RALYL: variants seen among roughly 807,000 people sequenced by gnomAD.
RALYL encodes the protein RALY RNA binding protein like.
A neutral mutation model predicts 35.1 loss-of-function variants in RALYL; 29 were observed. The observed-to-expected ratio is 0.83, with a 90% CI of 0.61 to 1.13. The LOEUF (loss-of-function observed/expected upper bound fraction) is 1.13, where lower values mean the gene tolerates loss of function less well. Ranked by LOEUF, RALYL falls within the 50% of genes most tolerant of loss-of-function variation. The pLI is 0.00. For synonymous variants in RALYL, 120 were observed against 127.6 expected (o/e 0.94, Z 0.40); for missense variants, 359 against 360.4 (o/e 1.00, Z 0.03).
At chr8:84,444,575 C>G in intron 1 of RALYL, among the ~76,000 whole-genome samples, 1 of 151,950 alleles carries the variant, frequency 6.6e-6, no homozygotes, top group East Asian at 1.9e-4. Context: ...ATCCATTTGT[C>G]TACCTGTTTT....
chr8:84,454,949 C>A (rs1466136982), intron 1 of RALYL, among the ~76,000 whole-genome samples: 1 of 152,032 alleles, frequency 6.6e-6, no homozygotes, highest in African/African-American at 2.4e-5. Context: ...CTTCACACTG[C>A]AGAAAGACTA....
intron 5 of RALYL, among the ~76,000 whole-genome samples, chr8:84,852,696 G>A (rs184431420): frequency 1.1e-4 from 16 of 152,176 alleles, no homozygotes; most frequent in Admixed American, 9.8e-4. Flanking sequence ...ACCGGAAAGG[G>A]GTCCCAATTC....
At chr8:84,800,444 A>T (rs150591360) in intron 3 of RALYL, among the ~76,000 whole-genome samples, 1 of 152,334 alleles carries the variant, frequency 6.6e-6, no homozygotes, top group Admixed American at 6.5e-5. Context: ...TTTAGTTTTT[A>T]TTAAATAAAA....
chr8:84,505,150 C>T (rs899945053), intron 1 of RALYL, among the ~76,000 whole-genome samples: 5 of 152,212 alleles, frequency 3.3e-5, no homozygotes, highest in African/African-American at 9.6e-5. Context: ...TTTTCAGCAT[C>T]CTGAGATTCC....
At chr8:84,571,067 T>G (rs1807856931) in intron 2 of RALYL, among the ~76,000 whole-genome samples, 1 of 151,764 alleles carries the variant, frequency 6.6e-6, no homozygotes, top group African/African-American at 2.4e-5. Flanking sequence ...TTGAGGAGTT[T>G]TGCTTCTAGG....
At chr8:84,372,332 G>A (rs376068982) in intron 1 of RALYL, among the ~76,000 whole-genome samples, 2 of 152,022 alleles carry the variant, frequency 1.3e-5, no homozygotes, top group South Asian at 2.1e-4. Flanking sequence ...CCTACATTCA[G>A]CCAATCAAAA....
At chr8:84,356,829 GAATAT>G (rs1851930679) in intron 1 of RALYL, among the ~76,000 whole-genome samples, 3 of 141,320 alleles carry the variant, frequency 2.1e-5, no homozygotes, top group African/African-American at 2.8e-5. Context: ...TAAAATAAAA[GAATAT>G]GTAAACATTT....
chr8:84,844,425 T>C (rs1834147553), intron 4 of RALYL, among the ~76,000 whole-genome samples: 1 of 152,114 alleles, frequency 6.6e-6, no homozygotes, highest in African/African-American at 2.4e-5. Context: ...TGAGATACCA[T>C]CTCACACCAG....
At chr8:84,726,831 G>T (rs982548870) in intron 2 of RALYL, among the ~76,000 whole-genome samples, 1 of 151,988 alleles carries the variant, frequency 6.6e-6, no homozygotes, top group African/African-American at 2.4e-5. Context: ...ACTGTGCTAG[G>T]CCTTGTGAGG....
At chr8:84,211,634 A>C (rs1357185174) in intron 1 of RALYL, among the ~76,000 whole-genome samples, 1 of 152,164 alleles carries the variant, frequency 6.6e-6, no homozygotes, top group African/African-American at 2.4e-5. Flanking sequence ...CACTAACTGC[A>C]TGTACCTTGA....
intron 2 of RALYL, among the ~76,000 whole-genome samples, chr8:84,683,728 C>T (rs976379565): frequency 5.9e-5 from 9 of 152,034 alleles, no homozygotes; most frequent in African/African-American, 2.2e-4. Context: ...ACACTGTCAC[C>T]CAGGCTGGAG....
intron 1 of RALYL, among the ~76,000 whole-genome samples, chr8:84,246,365 A>C (rs1421723844): frequency 6.6e-6 from 1 of 152,214 alleles, no homozygotes; most frequent in African/African-American, 2.4e-5. Flanking sequence ...AAGAGAAACA[A>C]AACAAATATA....
At chr8:84,739,216 T>C (rs1314252063) in intron 2 of RALYL, among the ~76,000 whole-genome samples, 2 of 151,976 alleles carry the variant, frequency 1.3e-5, no homozygotes, top group Non-Finnish European at 2.9e-5. Flanking sequence ...CATGGTGTTC[T>C]TTTGTAAGTT....
intron 1 of RALYL, among the ~76,000 whole-genome samples, chr8:84,217,329 A>T (rs1036243594): frequency 5.3e-5 from 8 of 152,096 alleles, no homozygotes; most frequent in African/African-American, 1.9e-4. Flanking sequence ...TGATTTCCAA[A>T]ATAAAAATTG....
chr8:84,815,225 C>T (rs1049135562), intron 4 of RALYL, among the ~76,000 whole-genome samples: 2 of 152,068 alleles, frequency 1.3e-5, no homozygotes, highest in Non-Finnish European at 1.5e-5. Context: ...ATGGAAGCCT[C>T]CACACTGCCT....
At chr8:84,806,053 G>T (rs1038813236) in intron 4 of RALYL, among the ~76,000 whole-genome samples, 5 of 152,220 alleles carry the variant, frequency 3.3e-5, no homozygotes, top group African/African-American at 1.2e-4. Flanking sequence ...TTTGTACATG[G>T]TCATTGAATA....
At chr8:84,747,397 A>T (rs1484475348) in intron 2 of RALYL, among the ~76,000 whole-genome samples, 3 of 151,950 alleles carry the variant, frequency 2.0e-5, no homozygotes, top group Non-Finnish European at 4.4e-5. Flanking sequence ...AAATAAGAGC[A>T]ATACAATGTC....
rs138637814 is a variant in RALYL at position 84,304,363 on chromosome 8, C to T, written c.-24+119939C>T. Among the ~76,000 whole-genome samples, 559 of 152,076 alleles carry T rather than the reference C, an allele frequency of 3.7e-3. 3 individuals carry two copies. Among genetic ancestry groups the T allele is most frequent in the African/African-American group, 0.013 (525 of 41,524 alleles). ...CGATCTCCTGACCTCGTGATCTGCC[C>T]GTCTCTGCCTCCCTAAAGGTTTATT... On this transcript the variant is annotated intron_variant, in intron 1 of 8. Transcript: ENST00000521268.
chr8:84,347,897 T>C (rs1009714327), intron 1 of RALYL, among the ~76,000 whole-genome samples: 1 of 152,120 alleles, frequency 6.6e-6, no homozygotes, highest in Non-Finnish European at 1.5e-5. Context: ...GGCAGCACAC[T>C]GAGCCTGTAG....
Sources: allele counts gnomAD v4.1 joint callset (sites outside exome capture counted in the v4.1 genomes callset), GRCh38; gene constraint gnomAD v4.1.1; transcripts MANE v1.5; gene names NCBI Gene and HGNC (gene_info 2026-07-23, HGNC 2026-07-21).